The following POU3F3 variants were observed in gnomAD, a reference collection of about 807,000 sequenced individuals.
POU3F3 encodes POU class 3 homeobox 3.
In POU3F3, 1 loss-of-function variant was observed where a neutral mutation model predicts 8.6. The observed-to-expected ratio is 0.12, with a 90% confidence interval of 0.04 to 0.55. The LOEUF is 0.55. Among genes scored for constraint, POU3F3 ranks in the 20% least tolerant of loss-of-function variants. The pLI, the probability that POU3F3 is intolerant of heterozygous loss-of-function variation, is 0.91. For synonymous variants in POU3F3, 418 were observed against 327.4 expected, an observed-to-expected ratio of 1.28 and a Z score of -2.99; for missense variants, 577 against 690.7, an observed-to-expected ratio of 0.84 and a Z score of 1.84.
the POU3F3 span, among the ~76,000 whole-genome samples, chr2:104,916,732 G>C: frequency 5.9e-5 from 9 of 152,190 alleles, no homozygotes; most frequent in African/African-American, 2.2e-4. Context: ...GGGGATGGGA[G>C]TCCCAGGTAG....
downstream of POU3F3, among the ~76,000 whole-genome samples, chr2:104,859,584 G>T (rs1383143911): frequency 6.6e-6 from 1 of 152,058 alleles, no homozygotes; most frequent in Non-Finnish European, 1.5e-5. Context: ...CAATGCAGGG[G>T]TTAAAAAACC....
chr2:104,856,403 G>T lies in POU3F3; in HGVS notation c.893G>T (p.Gly298Val), dbSNP rs1448162139. 1 of 1,585,734 alleles carries T rather than the reference G, an allele frequency of 6.3e-7. No individual in the cohort carries two copies. Among genetic ancestry groups the T allele is most frequent in the Non-Finnish European group, 8.6e-7 (1 of 1,167,452 alleles). The change falls in exon 1 of 1, where the codon GGC (glycine) becomes GTC (valine). Residue 298 changes from glycine to valine, a missense_variant. Transcript: ENST00000361360. ...GGACCCCCGCACCACGGCGGCGGCGGCGGCGGCGCGGGGCCTGGACTCAAC... is the reference window on the plus strand; with the variant it reads ...GGACCCCCGCACCACGGCGGCGGCGTCGGCGGCGCGGGGCCTGGACTCAAC... ...AQGPPHHGGG[G>V]GGAGPGLNSH...
chr2:104,912,048 C>T, the POU3F3 span, among the ~76,000 whole-genome samples: 1 of 152,220 alleles, frequency 6.6e-6, no homozygotes, highest in South Asian at 2.1e-4. Flanking sequence ...GTGCACGCCA[C>T]TCACAGGCCC....
At chr2:104,865,505 G>A in the POU3F3 span, 1 of 152,170 alleles carries the variant, frequency 6.6e-6, no homozygotes, top group African/African-American at 2.4e-5. Context: ...TTAAAGAAAA[G>A]GGACAAGAGG....
the POU3F3 span, among the ~76,000 whole-genome samples, chr2:104,895,672 T>C: frequency 6.6e-6 from 1 of 152,226 alleles, no homozygotes; most frequent in Non-Finnish European, 1.5e-5. Flanking sequence ...TTCTGCACCC[T>C]ATTCCTGCTG....
chr2:104,909,618 G>A, the POU3F3 span, among the ~76,000 whole-genome samples: 3 of 152,268 alleles, frequency 2.0e-5, no homozygotes, highest in Non-Finnish European at 2.9e-5. Flanking sequence ...GGCACTGGCT[G>A]CGGGCTGGGC....
the POU3F3 span, among the ~76,000 whole-genome samples, chr2:104,918,794 T>A: frequency 6.6e-6 from 1 of 151,992 alleles, no homozygotes; most frequent in African/African-American, 2.4e-5. Flanking sequence ...ACTAGGCTAA[T>A]ACATAGAGTA....
chr2:104,890,386 C>A, the POU3F3 span, among the ~76,000 whole-genome samples: 2 of 152,194 alleles, frequency 1.3e-5, no homozygotes, highest in Admixed American at 1.3e-4. Flanking sequence ...GGTTGTGTGA[C>A]AAGAACCTGA....
chr2:104,885,530 C>G, the POU3F3 span, among the ~76,000 whole-genome samples: 1 of 152,288 alleles, frequency 6.6e-6, no homozygotes, highest in East Asian at 1.9e-4. Flanking sequence ...CCTCACTGCC[C>G]GCTATATGCT....
At chr2:104,902,490 G>A in the POU3F3 span, among the ~76,000 whole-genome samples, 20 of 152,158 alleles carry the variant, frequency 1.3e-4, no homozygotes, top group African/African-American at 4.8e-4. Context: ...ACAATACCCT[G>A]GCTGATTATT....
At chr2:104,862,940 T>A (rs1195046458), downstream of POU3F3, among the ~76,000 whole-genome samples, 1 of 151,734 alleles carries the variant, frequency 6.6e-6, no homozygotes, top group African/African-American at 2.4e-5. Context: ...GATGTTTTGT[T>A]CATCTATCTT....
the POU3F3 span, among the ~76,000 whole-genome samples, chr2:104,911,506 A>T: frequency 2.0e-5 from 3 of 151,908 alleles, no homozygotes; most frequent in Non-Finnish European, 2.9e-5. Context: ...GCCTGTGATG[A>T]CCCAGGCAGT....
chr2:104,912,593 C>T, the POU3F3 span, among the ~76,000 whole-genome samples: 1,349 of 152,294 alleles, frequency 8.9e-3, 24 homozygotes, highest in African/African-American at 0.031. Flanking sequence ...GAAGAGAAGA[C>T]TCAAGATGTG....
the POU3F3 span, among the ~76,000 whole-genome samples, chr2:104,915,159 G>A: frequency 6.6e-6 from 1 of 152,300 alleles, no homozygotes; most frequent in East Asian, 1.9e-4. Context: ...TTCTCTATCT[G>A]GGGAGACCCA....
Position 104,856,530 on chromosome 2 carries a change from G to A in POU3F3, c.1020G>A (p.Gln340=), listed in dbSNP as rs1676571448. The change falls in exon 1 of 1, where the codon CAG becomes CAA. Residue 340 remains glutamine (Q), a synonymous_variant. Coordinates refer to ENST00000361360, the MANE Select transcript of POU3F3 (RefSeq NM_006236.3). ...KQRRIKLGFT[Q]ADVGLALGTL... ...GGCGCATCAAGCTGGGCTTCACGCA[G>A]GCCGACGTGGGGTTGGCGCTGGGCA... 6.2e-6 allele frequency: 10 copies of A among 1,614,000 alleles called. No individual in the cohort carries two copies. The highest frequency in any genetic ancestry group is 8.5e-6 in the Non-Finnish European group (10 of 1,180,034).
the POU3F3 span, among the ~76,000 whole-genome samples, chr2:104,924,794 C>A: frequency 6.6e-6 from 1 of 152,146 alleles, no homozygotes; most frequent in African/African-American, 2.4e-5. Flanking sequence ...TGAAATGCAA[C>A]CTCTGCTGGC....
Position 104,856,684 on chromosome 2 carries a change from G to T in POU3F3, c.1174G>T (p.Gly392Cys). 6.2e-7 allele frequency: 1 copy of T among 1,614,108 alleles called. No individual in the cohort carries two copies. Among genetic ancestry groups the T allele is most frequent in the Non-Finnish European group, 8.5e-7 (1 of 1,180,010 alleles). The change falls in exon 1 of 1, where the codon GGC (glycine) becomes TGC (cysteine). Residue 392 changes from glycine to cysteine, a missense_variant. Gly to Cys is a radical substitution (Grantham distance 159). Coordinates refer to ENST00000361360, the MANE Select transcript of POU3F3 (RefSeq NM_006236.3). Reference sequence around the variant, plus strand: ...GCTGGAGGAGGCGGACTCAAGCACCGGCAGCCCCACAAGCATCGACAAGAT... The same window carrying T: ...GCTGGAGGAGGCGGACTCAAGCACCTGCAGCCCCACAAGCATCGACAAGAT... ...KWLEEADSSTGSPTSIDKIAA... is the reference protein window; with the variant it reads ...KWLEEADSSTCSPTSIDKIAA...
the POU3F3 span, among the ~76,000 whole-genome samples, chr2:104,921,926 G>T: frequency 6.6e-6 from 1 of 152,208 alleles, no homozygotes; most frequent in African/African-American, 2.4e-5. Flanking sequence ...GAACCCAGGA[G>T]ATGGAGGTTG....
the POU3F3 span, among the ~76,000 whole-genome samples, chr2:104,865,145 C>T: frequency 6.6e-6 from 1 of 152,302 alleles, no homozygotes; most frequent in South Asian, 2.1e-4. Flanking sequence ...CACCGGTATG[C>T]CAGGATTAGT....
Sources: allele counts gnomAD v4.1 joint callset (sites outside exome capture counted in the v4.1 genomes callset), GRCh38; gene constraint gnomAD v4.1.1; transcripts MANE v1.5; gene names NCBI Gene and HGNC (gene_info 2026-07-23, HGNC 2026-07-21).